The following AGL variants were observed in gnomAD, a reference collection of about 807,000 sequenced individuals.
AGL encodes glycogen debranching enzyme.
Under a neutral mutation model 199.3 loss-of-function variants are expected in AGL, and 128 were observed. That is an observed-to-expected ratio of 0.64 (90% confidence interval 0.56 to 0.74). AGL has a LOEUF of 0.74. AGL is among the 30% of genes least tolerant of loss of function. The pLI, the probability that AGL is intolerant of heterozygous loss-of-function variation, is 0.00. For synonymous variants in AGL, 584 were observed against 594.7 expected, an observed-to-expected ratio of 0.98 and a Z score of 0.26; for missense variants, 1,809 against 1,820.8, an observed-to-expected ratio of 0.99 and a Z score of 0.12.
At chr1:99,905,372 TTTGTTGTTG>T (rs150259594) in intron 27 of AGL, among the ~76,000 whole-genome samples, 109 of 151,010 alleles carry the variant, frequency 7.2e-4, no homozygotes, top group South Asian at 4.2e-4. Context: ...ATTTTTTGTA[TTTGTTGTTG>T]TTGTTGTTGT....
chr1:99,874,431 TTG>T, intron 7 of AGL: 1 of 345,918 alleles, frequency 2.9e-6, no homozygotes, highest in East Asian at 5.7e-5. Context: ...ATAGGAATCC[TTG>T]TGTCTTTCTT....
rs1360640311 is a variant in AGL, at chr1:99,916,409, G to A, written c.4260-1G>A. On this transcript the variant is annotated splice_acceptor_variant, in intron 31 of 33. Transcript: ENST00000361915. LOFTEE classifies it high-confidence loss of function. Reference sequence around the variant, plus strand: ...TAACTTAAATTTCAATCATTTTGCAGTGATATGGTTTACTGTGGAATTTAT... The same window carrying A: ...TAACTTAAATTTCAATCATTTTGCAATGATATGGTTTACTGTGGAATTTAT... 6.2e-7 allele frequency: 1 copy of A among 1,602,270 alleles called. No individual in the cohort carries two copies. Among genetic ancestry groups the A allele is most frequent in the Non-Finnish European group, 8.5e-7 (1 of 1,171,216 alleles).
intron 33 of AGL, 102 bp downstream of exon 33, chr1:99,916,833 G>C (rs751967131): frequency 7.1e-6 from 9 of 1,266,676 alleles, no homozygotes; most frequent in Non-Finnish European, 4.5e-6. Flanking sequence ...GTATGCCCTA[G>C]GTATCCCAAT....
At chr1:99,857,520 A>C (rs892965345) in intron 2 of AGL, among the ~76,000 whole-genome samples, 17 of 152,142 alleles carry the variant, frequency 1.1e-4, no homozygotes, top group South Asian at 8.3e-4. Context: ...AGCCTGGGCA[A>C]CATTGAGCAC....
intron 3 of AGL, 124 bp downstream of exon 3, chr1:99,861,837 G>A (rs909209812): frequency 2.7e-6 from 3 of 1,093,434 alleles, no homozygotes; most frequent in Non-Finnish European, 2.8e-6. Flanking sequence ...TCCTTGAGAT[G>A]CAAATAGAAT....
At position 99,870,536 on chromosome 1, in the gene AGL, A is replaced by G. The variant is rs370970364; in HGVS notation, c.801A>G (p.Lys267=). The change falls in exon 6 of 34, where the codon AAA becomes AAG. Residue 267 remains lysine (K), a synonymous_variant. Coordinates refer to ENST00000361915, the MANE Select transcript of AGL (RefSeq NM_000642.3). ...FSCDVAEGKY[K]EKGIPALIEN... ...GTGATGTTGCAGAAGGGAAATACAAAGAAAAGGGAATACCTGCTTTGATTG... is the reference window on the plus strand; with the variant it reads ...GTGATGTTGCAGAAGGGAAATACAAGGAAAAGGGAATACCTGCTTTGATTG... 6.8e-6 allele frequency: 11 copies of G among 1,613,968 alleles called. No homozygotes were observed. Among genetic ancestry groups the G allele is most frequent in the Non-Finnish European group, 9.3e-6 (11 of 1,179,984 alleles).
Position 99,884,721 on chromosome 1 carries a change from G to A in AGL, c.2681+18G>A. On this transcript the variant is annotated intron_variant, in intron 20 of 33. Coordinates refer to ENST00000361915, the MANE Select transcript of AGL (RefSeq NM_000642.3). ...TTTGCTTCGTAAGTATGCCTTGTTT[G>A]GTAGAGATTTGCCACCTTAATAAGT... is the stretch of plus-strand genomic sequence containing the variant. 5 of 1,613,478 alleles carry A rather than the reference G, an allele frequency of 3.1e-6. No individual in the cohort carries two copies. The South Asian group carries it at 4.4e-5, about 14-fold the overall frequency.
At chr1:99,880,554 T>C in intron 13 of AGL, 78 bp from the exon 14 acceptor site, 7 of 1,480,162 alleles carry the variant, frequency 4.7e-6, no homozygotes, top group Non-Finnish European at 6.6e-6. Context: ...ATTTTGAAAA[T>C]CATTTATGAG....
At chr1:99,868,489 G>A (rs1383386302) in intron 5 of AGL, among the ~76,000 whole-genome samples, 2 of 152,018 alleles carry the variant, frequency 1.3e-5, no homozygotes, top group African/African-American at 4.8e-5. Flanking sequence ...GTGGGCGCCT[G>A]TAATCCCAGC....
chr1:99,857,046 G>A (rs1649542908), intron 2 of AGL, among the ~76,000 whole-genome samples: 1 of 151,722 alleles, frequency 6.6e-6, no homozygotes, highest in African/African-American at 2.4e-5. Flanking sequence ...CCTCCCGGAT[G>A]GGGCGGCTGG....
At chr1:99,880,602 A>C (rs1232685742) in intron 13 of AGL, 30 bp from the exon 14 acceptor site, 4 of 1,609,922 alleles carry the variant, frequency 2.5e-6, no homozygotes, top group Non-Finnish European at 3.4e-6. Context: ...AATAATGAAG[A>C]TTGTTAAAAT....
Position 99,881,152 on chromosome 1 carries a change from G to A in AGL, c.1976G>A (p.Gly659Asp), listed in dbSNP as rs1473073410. The A allele has an allele frequency of 1.9e-6, 3 of 1,613,888 alleles. No individual in the cohort carries two copies. Among genetic ancestry groups the A allele is most frequent in the South Asian group, 1.1e-5 (1 of 91,078 alleles). ...MACCASGSTRGYDELVPHQIS... is the reference protein window; with the variant it reads ...MACCASGSTRDYDELVPHQIS... ...TGTTGTGCTAGTGGAAGTACAAGAG[G>A]CTATGATGAATTAGTGCCTCATCAG... The change falls in exon 15 of 34, where the codon GGC becomes GAC. Residue 659 changes from glycine (G) to aspartate (D), a missense_variant. Coordinates refer to ENST00000361915, the MANE Select transcript of AGL (RefSeq NM_000642.3).
Position 99,862,162 on chromosome 1 carries a change from G to A in AGL, c.294-95G>A, listed in dbSNP as rs144378068. 1.5e-5 allele frequency: 18 copies of A among 1,201,190 alleles called. No homozygotes were observed. The African/African-American group carries it at 2.4e-4, about 16-fold the overall frequency. The allele number at this position is 1,201,190 out of a possible 1,614,324, so 74.4% of individuals were successfully genotyped here. A position where few individuals can be genotyped will look rare whatever the true frequency, so the allele number is the denominator to read the frequency against. On this transcript the variant is annotated intron_variant, in intron 3 of 33. Coordinates refer to ENST00000361915, the MANE Select transcript of AGL (RefSeq NM_000642.3). ...CTTAGAAATAAATACATTTTATTTG[G>A]GACAATTAACCTTTTAGTTAGAGTC...
In AGL at chr1:99,874,387, T is replaced by C. The variant is rs58794035; in HGVS notation, c.959-300T>C. On this transcript the variant is annotated intron_variant, in intron 7 of 33. Transcript: ENST00000361915. ...AAAGAATAGAATAAGTGAATGCTGATGTAGGCAGAAAAGTGGGGGCTGAGA... is the reference window on the plus strand; with the variant it reads ...AAAGAATAGAATAAGTGAATGCTGACGTAGGCAGAAAAGTGGGGGCTGAGA... 0.16 allele frequency: 31,173 copies of C among 192,062 alleles called. 3,534 individuals are homozygous for C. Among genetic ancestry groups the C allele is most frequent in the African/African-American group, 0.34 (14,285 of 42,596 alleles). The allele number at this position is 192,062 out of a possible 1,614,324, so 11.9% of individuals were successfully genotyped here.
rs367591347 is a variant in AGL, at chr1:99,861,571, C to T, written c.151C>T (p.Pro51Ser). The T allele has an allele frequency of 6.2e-7, 1 of 1,613,838 alleles. No homozygotes were observed. The highest frequency in any genetic ancestry group is 1.3e-5 in the African/African-American group (1 of 74,894). Reference protein sequence around the residue: ...GKAVTVYTNYPFPGETFNREK... With the variant: ...GKAVTVYTNYSFPGETFNREK... The stretch of plus-strand genomic sequence containing the variant: ...AGCAGTTACCGTGTATACAAATTAC[C>T]CATTTCCTGGAGAAACATTTAATAG... Residue 51 changes from proline (P) to serine (S), a missense_variant, in exon 3 of 34, where the codon CCA becomes TCA. Physicochemically the swap from Pro to Ser is moderately conservative, Grantham distance 74. Coordinates refer to ENST00000361915, the MANE Select transcript of AGL (RefSeq NM_000642.3).
chr1:99,850,349 C>T, upstream of AGL: 1 of 152,718 alleles, frequency 6.5e-6, no homozygotes, highest in Non-Finnish European at 1.5e-5. Context: ...GTCCCCTCCC[C>T]CCGACCGTAG....
chr1:99,879,569 A>G, intron 12 of AGL, among the ~76,000 whole-genome samples: 1 of 151,930 alleles, frequency 6.6e-6, no homozygotes, highest in East Asian at 1.9e-4. Flanking sequence ...GGGCAACAAG[A>G]GCGAAACTTG....
intron 7 of AGL, among the ~76,000 whole-genome samples, chr1:99,872,442 T>C (rs1651097472): frequency 6.6e-6 from 1 of 152,210 alleles, no homozygotes; most frequent in East Asian, 1.9e-4. Context: ...CAGCAAGTTA[T>C]ACCAACTTAA....
chr1:99,861,775 T>A, intron 3 of AGL, 62 bp downstream of exon 3: 1 of 1,564,872 alleles, frequency 6.4e-7, no homozygotes, highest in Non-Finnish European at 8.8e-7. Context: ...TGAAGTCACC[T>A]AACTTGTAAA....
Sources: allele counts gnomAD v4.1 joint callset (sites outside exome capture counted in the v4.1 genomes callset), GRCh38; gene constraint gnomAD v4.1.1; transcripts MANE v1.5; gene names NCBI Gene and HGNC (gene_info 2026-07-23, HGNC 2026-07-21).